Variants in SPG11 observed in about 807,000 individuals in gnomAD.
SPG11 encodes the protein spatacsin.
SPG11 carries 222 observed loss-of-function variants against 274.0 expected under a neutral mutation model. That is an observed-to-expected ratio of 0.81 (90% CI 0.73 to 0.91). The LOEUF is 0.91. SPG11 is among the 40% of genes least tolerant of loss of function. SPG11 has a pLI of 0.00. For synonymous variants in SPG11, 1,144 were observed against 1,039.7 expected (o/e 1.10, Z -1.93); for missense variants, 3,114 against 2,872.7 (o/e 1.08, Z -1.92).
intron 4 of SPG11, among the ~76,000 whole-genome samples, chr15:44,653,980 G>T (rs1326538726): frequency 6.6e-6 from 1 of 151,906 alleles, no homozygotes; most frequent in Non-Finnish European, 1.5e-5. Context: ...TTCAGACAGG[G>T]TCTTGCTCTG....
chr15:44,622,511 A>C, intron 12 of SPG11, 164 bp from the exon 13 acceptor site: 1 of 753,492 alleles, frequency 1.3e-6, no homozygotes, highest in Non-Finnish European at 2.1e-6. Context: ...CATTTGAGTT[A>C]ATGTATGTTA....
At chr15:44,657,323 C>T (rs777800082) in intron 3 of SPG11, 27 bp from the exon 4 acceptor site, 11 of 1,606,016 alleles carry the variant, frequency 6.8e-6, no homozygotes, top group African/African-American at 1.3e-5. Context: ...AAAGAAAATG[C>T]CAGTTTTGTA....
intron 14 of SPG11, 32 bp downstream of exon 14, chr15:44,621,727 T>C (rs537257419): frequency 6.3e-7 from 1 of 1,594,790 alleles, no homozygotes; most frequent in South Asian, 1.1e-5. Flanking sequence ...CCTCATTCAG[T>C]ATGTTCATAT....
intron 15 of SPG11, among the ~76,000 whole-genome samples, chr15:44,616,761 T>C (rs2083601302): frequency 6.6e-6 from 1 of 152,180 alleles, no homozygotes; most frequent in South Asian, 2.1e-4. Context: ...ATACTTATGA[T>C]AAAAACTATT....
chr15:44,623,788 GCT>G (rs1208815296), intron 11 of SPG11, among the ~76,000 whole-genome samples: 1 of 151,762 alleles, frequency 6.6e-6, no homozygotes, highest in Non-Finnish European at 1.5e-5. Flanking sequence ...ACAGGGTCTC[GCT>G]CTGTCACCCA....
At chr15:44,571,650 A>G (rs2082428368) in intron 33 of SPG11, among the ~76,000 whole-genome samples, 1 of 151,922 alleles carries the variant, frequency 6.6e-6, no homozygotes, top group Non-Finnish European at 1.5e-5. Context: ...GGCACCTGCA[A>G]CCATGCCCGG....
At chr15:44,635,119 G>C (rs1211498630) in intron 7 of SPG11, among the ~76,000 whole-genome samples, 1 of 151,920 alleles carries the variant, frequency 6.6e-6, no homozygotes, top group Non-Finnish European at 1.5e-5. Flanking sequence ...AAAAGTCTGG[G>C]GCAGGAGAAT....
chr15:44,587,762 A>G (rs1284963691), intron 28 of SPG11, among the ~76,000 whole-genome samples: 1 of 151,570 alleles, frequency 6.6e-6, no homozygotes, highest in Non-Finnish European at 1.5e-5. Context: ...AAATACGCAC[A>G]CATAGTAACA....
chr15:44,613,392 C>A, intron 17 of SPG11, 38 bp downstream of exon 17: 1 of 1,376,702 alleles, frequency 7.3e-7, no homozygotes, highest in South Asian at 1.2e-5. Context: ...GTGACTGATC[C>A]AAAGCAAGTT....
Position 44,596,174 on chromosome 15 carries a change from C to A in SPG11, c.4343G>T (p.Cys1448Phe), listed in dbSNP as rs751470426. 1.9e-6 allele frequency: 3 copies of A among 1,614,184 alleles called. No homozygotes were observed. Among genetic ancestry groups the A allele is most frequent in the Non-Finnish European group, 2.5e-6 (3 of 1,180,036 alleles). The change falls in exon 25 of 40, where the codon TGC becomes TTC. Residue 1448 changes from cysteine (C) to phenylalanine (F), a missense_variant. Coordinates refer to ENST00000261866, the MANE Select transcript of SPG11 (RefSeq NM_025137.4). ...MTDLFEILLQ[C>F]SEEPDSWHWL... ...GTGCCAGGAGTCTGGCTCCTCTGAG[C>A]ATTGGAGCAGAATTTCAAATAAATC...
intron 30 of SPG11, among the ~76,000 whole-genome samples, chr15:44,577,632 T>C (rs2082567774): frequency 6.6e-6 from 1 of 152,128 alleles, no homozygotes; most frequent in East Asian, 1.9e-4. Context: ...GGTAAGTTGG[T>C]TATAATAAGC....
intron 21 of SPG11, among the ~76,000 whole-genome samples, chr15:44,600,098 A>C (rs948937063): frequency 6.6e-6 from 1 of 152,158 alleles, no homozygotes; most frequent in African/African-American, 2.4e-5. Flanking sequence ...TGTTTTTTCC[A>C]ATTAACAAAA....
At chr15:44,624,659 G>C (rs1037040120) in intron 11 of SPG11, among the ~76,000 whole-genome samples, 1 of 152,286 alleles carries the variant, frequency 6.6e-6, no homozygotes, top group African/African-American at 2.4e-5. Context: ...TCTGTTGAGA[G>C]TAGATCTCAA....
chr15:44,659,854 A>C lies in SPG11; in HGVS notation c.443-551T>G, dbSNP rs538162940. Among the ~76,000 whole-genome samples the C allele has an allele frequency of 3.3e-5, 5 of 152,322 alleles. No individual in the cohort carries two copies. The South Asian group carries it at 1.0e-3, about 32-fold the overall frequency. On this transcript the variant is annotated intron_variant, in intron 2 of 39. Transcript: ENST00000261866. ...GGTGGGCAGATCACTTGAGGTCAGG[A>C]GTTTGAGACCAGCCTGGCCAACATG... is the stretch of plus-strand genomic sequence containing the variant.
At chr15:44,566,385 T>C in intron 36 of SPG11, 80 bp from the exon 37 acceptor site, 1 of 1,400,398 alleles carries the variant, frequency 7.1e-7, no homozygotes, top group Non-Finnish European at 1.0e-6. Context: ...TGATCGTGGC[T>C]AGAATAGAAA....
intron 11 of SPG11, among the ~76,000 whole-genome samples, chr15:44,624,582 A>T (rs1483312194): frequency 1.3e-5 from 2 of 152,220 alleles, no homozygotes; most frequent in African/African-American, 4.8e-5. Context: ...TATAAGATAA[A>T]TAAGTTCTGG....
At chr15:44,570,688 T>C in intron 33 of SPG11, 30 bp from the exon 34 acceptor site, 1 of 1,610,094 alleles carries the variant, frequency 6.2e-7, no homozygotes. Context: ...TAAGATAAGA[T>C]TATGAACCCT....
At chr15:44,571,014 C>T (rs2140923889) in intron 33 of SPG11, among the ~76,000 whole-genome samples, 1 of 152,280 alleles carries the variant, frequency 6.6e-6, no homozygotes, top group Non-Finnish European at 1.5e-5. Flanking sequence ...GCATTCTCTG[C>T]TTGTATCCCA....
chr15:44,600,383 C>A, intron 21 of SPG11, 84 bp downstream of exon 21: 1 of 1,483,298 alleles, frequency 6.7e-7, no homozygotes, highest in Admixed American at 1.7e-5. Context: ...CTCCTGGGCT[C>A]AAGTGATCCT....
Sources: gnomAD v4.1 joint callset for allele counts (sites outside exome capture counted in the v4.1 genomes callset) on GRCh38, gnomAD v4.1.1 for gene constraint, MANE v1.5 for transcripts, NCBI Gene and HGNC (gene_info 2026-07-23, HGNC 2026-07-21) for gene names.